The following ADAMTS19 variants were observed in gnomAD, a reference collection of about 807,000 sequenced individuals.
The protein encoded by ADAMTS19 is A disintegrin and metalloproteinase with thrombospondin motifs 19.
ADAMTS19 carries 93 observed loss-of-function variants against 153.3 expected under a neutral mutation model. The observed-to-expected ratio is 0.61, with a 90% CI of 0.51 to 0.72. The LOEUF is 0.72. Among genes scored for constraint, ADAMTS19 ranks in the 30% least tolerant of loss-of-function variants. The probability of loss-of-function intolerance (pLI) is 0.00; values close to 1 mark genes in which losing one functional copy is unlikely to be tolerated. For missense variants in ADAMTS19, 1,482 were observed against 1,552.1 expected (o/e 0.95, Z 0.76); for synonymous variants, 600 against 556.6 (o/e 1.08, Z -1.10).
intron 18 of ADAMTS19, among the ~76,000 whole-genome samples, chr5:129,693,372 C>A (rs920470864): frequency 6.6e-6 from 1 of 152,146 alleles, no homozygotes; most frequent in Admixed American, 6.6e-5. Flanking sequence ...ACCAGCCCAG[C>A]TTTTCTTGTT....
At chr5:129,614,333 C>G (rs1252023490) in intron 8 of ADAMTS19, among the ~76,000 whole-genome samples, 1 of 152,106 alleles carries the variant, frequency 6.6e-6, no homozygotes, top group Non-Finnish European at 1.5e-5. Flanking sequence ...AAAGCTTATC[C>G]ACCATGATCA....
intron 21 of ADAMTS19, among the ~76,000 whole-genome samples, chr5:129,715,021 C>T (rs1349255702): frequency 6.6e-6 from 1 of 152,000 alleles, no homozygotes; most frequent in Admixed American, 6.6e-5. Context: ...TCTCCAAGAC[C>T]TACTATTAAG....
intron 21 of ADAMTS19, among the ~76,000 whole-genome samples, chr5:129,708,816 A>G (rs1206484596): frequency 6.6e-6 from 1 of 152,082 alleles, no homozygotes; most frequent in Admixed American, 6.5e-5. Flanking sequence ...ACTCCTTTAA[A>G]ATTCTAGGAA....
At chr5:129,509,642 A>T (rs1751374318) in intron 3 of ADAMTS19, among the ~76,000 whole-genome samples, 1 of 152,012 alleles carries the variant, frequency 6.6e-6, no homozygotes, top group Non-Finnish European at 1.5e-5. Context: ...CTTGGACTAG[A>T]AGCATCCTCA....
chr5:129,728,523 A>G (rs67540991), intron 21 of ADAMTS19, among the ~76,000 whole-genome samples: 1 of 152,046 alleles, frequency 6.6e-6, no homozygotes, highest in South Asian at 2.1e-4. Context: ...CCTGAATTCT[A>G]TCTTGTAAGA....
intron 11 of ADAMTS19, among the ~76,000 whole-genome samples, chr5:129,644,477 A>C (rs892302884): frequency 3.9e-5 from 6 of 152,256 alleles, no homozygotes; most frequent in African/African-American, 1.4e-4. Flanking sequence ...AATCTAGTTA[A>C]TCTAAGAGTA....
intron 6 of ADAMTS19, among the ~76,000 whole-genome samples, chr5:129,544,408 T>C (rs953426414): frequency 3.3e-5 from 5 of 152,188 alleles, no homozygotes; most frequent in African/African-American, 1.2e-4. Flanking sequence ...TCTATATATA[T>C]TTAGACCTAA....
chr5:129,485,234 A>G (rs1400497438), intron 2 of ADAMTS19, among the ~76,000 whole-genome samples: 1 of 152,174 alleles, frequency 6.6e-6, no homozygotes, highest in Non-Finnish European at 1.5e-5. Context: ...GAAATAAAAC[A>G]ATGCGCTACT....
intron 7 of ADAMTS19, among the ~76,000 whole-genome samples, chr5:129,571,591 C>A (rs58120525): frequency 0.045 from 6,890 of 151,542 alleles, 486 homozygotes; most frequent in African/African-American, 0.16. Flanking sequence ...TATGGATATA[C>A]CACTTCTCAG....
At chr5:129,567,777 C>A (rs1480580775) in intron 7 of ADAMTS19, among the ~76,000 whole-genome samples, 1 of 151,932 alleles carries the variant, frequency 6.6e-6, no homozygotes, top group African/African-American at 2.4e-5. Context: ...CTGAAGACTT[C>A]TCACATTTGG....
At chr5:129,601,074 T>G (rs1243752492) in intron 8 of ADAMTS19, among the ~76,000 whole-genome samples, 2 of 152,152 alleles carry the variant, frequency 1.3e-5, no homozygotes, top group African/African-American at 4.8e-5. Context: ...GGTTTCAGTA[T>G]GTTGGTCAGG....
At chr5:129,665,185 T>C (rs2007562492) in intron 15 of ADAMTS19, among the ~76,000 whole-genome samples, 1 of 151,272 alleles carries the variant, frequency 6.6e-6, no homozygotes, top group Non-Finnish European at 1.5e-5. Context: ...TCCACTGTGT[T>C]TCTAACCAGG....
At chr5:129,554,878 T>C (rs987883472) in intron 7 of ADAMTS19, among the ~76,000 whole-genome samples, 3 of 152,182 alleles carry the variant, frequency 2.0e-5, no homozygotes, top group African/African-American at 4.8e-5. Flanking sequence ...TGTTAAAAAA[T>C]TAAATGAGCA....
chr5:129,682,540 A>G (rs935054602), intron 17 of ADAMTS19, among the ~76,000 whole-genome samples: 6 of 152,152 alleles, frequency 3.9e-5, no homozygotes, highest in African/African-American at 1.2e-4. Context: ...ATGTAATTAA[A>G]TAAGTTGACA....
chr5:129,613,584 G>A (rs1751344542), intron 8 of ADAMTS19, among the ~76,000 whole-genome samples: 1 of 151,918 alleles, frequency 6.6e-6, no homozygotes. Context: ...GAGAAAGCAG[G>A]AAAGATCTAA....
intron 7 of ADAMTS19, among the ~76,000 whole-genome samples, chr5:129,584,714 A>G (rs1749696664): frequency 6.6e-6 from 1 of 152,044 alleles, no homozygotes; most frequent in Non-Finnish European, 1.5e-5. Context: ...TAAACCGCCT[A>G]CTCAAGCCTC....
chr5:129,524,801 A>G (rs536484381), intron 3 of ADAMTS19, among the ~76,000 whole-genome samples: 1 of 151,794 alleles, frequency 6.6e-6, no homozygotes, highest in Non-Finnish European at 1.5e-5. Context: ...AACACCACAG[A>G]TATCTCCCTT....
chr5:129,511,266 G>A (rs1561544942), intron 3 of ADAMTS19, among the ~76,000 whole-genome samples: 1 of 151,614 alleles, frequency 6.6e-6, no homozygotes, highest in Non-Finnish European at 1.5e-5. Context: ...TATATGTATT[G>A]CTTACATGAA....
intron 10 of ADAMTS19, among the ~76,000 whole-genome samples, chr5:129,635,641 T>A (rs1299336362): frequency 6.6e-6 from 1 of 152,118 alleles, no homozygotes; most frequent in Admixed American, 6.6e-5. Context: ...ATTAGCAAAC[T>A]AATGCAGGAA....
Sources: allele counts gnomAD v4.1 joint callset (sites outside exome capture counted in the v4.1 genomes callset), GRCh38; gene constraint gnomAD v4.1.1; transcripts MANE v1.5; gene names NCBI Gene and HGNC (gene_info 2026-07-23, HGNC 2026-07-21).